SLC2A4RG: variants seen among roughly 807,000 people sequenced by gnomAD.
The protein encoded by SLC2A4RG is SLC2A4 regulator, also known as GLUT4 enhancer factor.
SLC2A4RG carries 23 observed loss-of-function variants against 35.5 expected under a neutral mutation model. The ratio of observed to expected loss-of-function variants is 0.65; its 90% confidence interval spans 0.47 to 0.92. The LOEUF (loss-of-function observed/expected upper bound fraction) is 0.92, where lower values mean the gene tolerates loss of function less well. SLC2A4RG is among the 40% of genes least tolerant of loss of function. SLC2A4RG has a pLI of 0.00. For synonymous variants in SLC2A4RG, 306 were observed against 243.7 expected (o/e 1.26, Z -2.38); for missense variants, 539 against 525.0 (o/e 1.03, Z -0.26).
rs1406010359 is a variant in SLC2A4RG at position 63,740,538 on chromosome 20, G to C, written c.281+7G>C. On this transcript the variant is annotated splice_region_variant and intron_variant, in intron 2 of 7. Coordinates refer to ENST00000266077, the MANE Select transcript of SLC2A4RG (RefSeq NM_020062.4). ...TCCCCGTCCCAGCGCAGAGGTGAGC[G>C]GGAGGCCCGGTGCCTCGGGACTCGG... 27 of 1,228,864 alleles carry C rather than the reference G, an allele frequency of 2.2e-5. No individual in the cohort carries two copies. The East Asian group carries it at 6.7e-4, about 30-fold the overall frequency. The allele number at this position is 1,228,864 out of a possible 1,614,324, so 76.1% of individuals were successfully genotyped here.
Position 63,742,026 on chromosome 20 carries a change from G to T in SLC2A4RG, c.549G>T (p.Leu183=), listed in dbSNP as rs753750777. ...TGCCCCCCGAGGCAGCCCACTTTCTGTTTGGGGAGCCCACCCTGAGAAAAA... is the reference window on the plus strand; with the variant it reads ...TGCCCCCCGAGGCAGCCCACTTTCTTTTTGGGGAGCCCACCCTGAGAAAAA... The part of the protein sequence containing the change: ...PPLPPEAAHF[L]FGEPTLRKRK... Residue 183 remains leucine (L), a synonymous_variant, in exon 4 of 8, where the codon CTG becomes CTT. Coordinates refer to ENST00000266077, the MANE Select transcript of SLC2A4RG (RefSeq NM_020062.4). The T allele has an allele frequency of 1.1e-5, 17 of 1,612,282 alleles. No individual in the cohort carries two copies. The highest frequency in any genetic ancestry group is 1.4e-5 in the Non-Finnish European group (16 of 1,179,290).
rs2092055587 is a variant in SLC2A4RG, at chr20:63,743,352, G to T, written c.*362G>T. The T allele has an allele frequency of 5.2e-6, 1 of 192,130 alleles. No homozygotes were observed. Among genetic ancestry groups the T allele is most frequent in the Non-Finnish European group, 1.1e-5 (1 of 91,826 alleles). The allele number at this position is 192,130 out of a possible 1,614,324, so 11.9% of individuals were successfully genotyped here. A position where few individuals can be genotyped will look rare whatever the true frequency, so the allele number is the denominator to read the frequency against. The stretch of plus-strand genomic sequence containing the variant: ...GGGCCAGTCCCGATGCACTTTGAGG[G>T]GTGTTGGAGAGGGGACTCCCCCACT... On this transcript the variant is annotated 3_prime_UTR_variant, in exon 8 of 8. Transcript: ENST00000266077.
chr20:63,743,654 C>T lies in SLC2A4RG; in HGVS notation c.*664C>T, dbSNP rs890128941. ...AGGCCGGAGGAAGGATCATCTGAGA[C>T]GCAGGAGGCATCTGCTGGAGCAGCA... is the stretch of plus-strand genomic sequence containing the variant. On this transcript the variant is annotated 3_prime_UTR_variant, in exon 8 of 8. Coordinates refer to ENST00000266077, the MANE Select transcript of SLC2A4RG (RefSeq NM_020062.4). The T allele has an allele frequency of 1.3e-5, 2 of 152,374 alleles. No individual in the cohort carries two copies. Among genetic ancestry groups the T allele is most frequent in the Non-Finnish European group, 2.9e-5 (2 of 68,056 alleles). 9.4% of individuals were successfully genotyped at this position (152,374 alleles called of 1,614,324 possible). A position where few individuals can be genotyped will look rare whatever the true frequency, so the allele number is the denominator to read the frequency against.
rs2092033322 is a variant in SLC2A4RG at position 63,739,965 on chromosome 20, C to T, written c.53C>T (p.Ala18Val). 3 of 980,116 alleles carry T rather than the reference C, an allele frequency of 3.1e-6. No homozygotes were observed. In the South Asian group the frequency reaches 1.4e-4, roughly 45 times the overall value. 60.7% of individuals were successfully genotyped at this position (980,116 alleles called of 1,614,324 possible). ...AAGRDPSALR[A>V]EAPWLRAEGP... The stretch of plus-strand genomic sequence containing the variant: ...GGCCGGGACCCCAGTGCGCTGCGGG[C>T]CGAGGCGCCGTGGCTGCGCGCGGAG... Residue 18 changes from alanine (A) to valine (V), a missense_variant, in exon 1 of 8, where the codon GCC becomes GTC. Transcript: ENST00000266077.
At position 63,741,460 on chromosome 20, in the gene SLC2A4RG, G is replaced by A. The variant is rs2427536; in HGVS notation, c.372G>A (p.Pro124=). The part of the protein sequence containing the change: ...LSTSPLLLGA[P]VAAFSPEPGL... ...CCAGCCCTCTCCTTCTGGGGGCCCC[G>A]GTTGCAGCCTTCAGCCCAGGTAAGA... is the stretch of plus-strand genomic sequence containing the variant. The change falls in exon 3 of 8, where the codon CCG becomes CCA. Residue 124 remains proline, a synonymous_variant. Coordinates refer to ENST00000266077, the MANE Select transcript of SLC2A4RG (RefSeq NM_020062.4). The A allele has an allele frequency of 0.93, 1,502,876 of 1,613,282 alleles. 700,508 individuals carry two copies. The highest frequency in any genetic ancestry group is 0.99 in the East Asian group (44,451 of 44,876).
chr20:63,741,996 C>T lies in SLC2A4RG; in HGVS notation c.519C>T (p.Pro173=), dbSNP rs770633285. Residue 173 remains proline (P), a synonymous_variant, in exon 4 of 8, where the codon CCC becomes CCT. Transcript: ENST00000266077. ...AGTCCTCTCCGTCCACCCCGTCACC[C>T]CCACTGCCCCCCGAGGCAGCCCACT... ...SDQSSPSTPS[P]PLPPEAAHFL... 6.2e-7 allele frequency: 1 copy of T among 1,613,012 alleles called. No individual in the cohort carries two copies. The highest frequency in any genetic ancestry group is 8.5e-7 in the Non-Finnish European group (1 of 1,179,770).
At position 63,741,896 on chromosome 20, in the gene SLC2A4RG, C is replaced by CCTG; in HGVS notation, c.420_421insTGC (p.Ala140_Leu141insCys). On this transcript the variant is annotated inframe_insertion, in exon 4 of 8. Transcript: ENST00000266077. The stretch of plus-strand genomic sequence containing the variant: ...CCTGGCCTGGAGCCCTGGAAGGAGG[C>CCTG]CCTGGTGCGGCCCCCAGGCAGCTAC... The CCTG allele has an allele frequency of 6.2e-7, 1 of 1,607,668 alleles. No individual in the cohort carries two copies. Among genetic ancestry groups the CCTG allele is most frequent in the Non-Finnish European group, 8.5e-7 (1 of 1,177,880 alleles).
intron 2 of SLC2A4RG, 127 bp from the exon 3 acceptor site, chr20:63,741,243 C>A: frequency 2.4e-6 from 2 of 836,742 alleles, no homozygotes; most frequent in South Asian, 1.6e-5. Context: ...AGGAGCCAGG[C>A]CTCATGCCCA....
At chr20:63,741,697 G>A (rs960804452) in intron 3 of SLC2A4RG, among the ~76,000 whole-genome samples, 172 bp from the exon 4 acceptor site, 13 of 152,214 alleles carry the variant, frequency 8.5e-5, no homozygotes, top group Non-Finnish European at 1.8e-4. Context: ...GGCCACACAC[G>A]TCTGCCAACC....
In SLC2A4RG at chr20:63,743,071, C is replaced by A; in HGVS notation, c.*81C>A. 3 of 1,086,790 alleles carry A rather than the reference C, an allele frequency of 2.8e-6. No individual in the cohort carries two copies. Among genetic ancestry groups the A allele is most frequent in the Non-Finnish European group, 3.8e-6 (3 of 791,712 alleles). 67.3% of individuals were successfully genotyped at this position (1,086,790 alleles called of 1,614,324 possible). A position where few individuals can be genotyped will look rare whatever the true frequency, so the allele number is the denominator to read the frequency against. The stretch of plus-strand genomic sequence containing the variant: ...GCCCGGGGCTGAAACAGCCCGAGGA[C>A]AGCCCCAGGGGCTGGCTTTCACCAG... On this transcript the variant is annotated 3_prime_UTR_variant, in exon 8 of 8. Transcript: ENST00000266077.
chr20:63,743,297 T>C lies in SLC2A4RG; in HGVS notation c.*307T>C. ...CCTCCCGCCTGTCGGCCCGTAGATTTATCAAGGGTGTTATGGGCCCAGCTT... is the reference window on the plus strand; with the variant it reads ...CCTCCCGCCTGTCGGCCCGTAGATTCATCAAGGGTGTTATGGGCCCAGCTT... On this transcript the variant is annotated 3_prime_UTR_variant, in exon 8 of 8. Coordinates refer to ENST00000266077, the MANE Select transcript of SLC2A4RG (RefSeq NM_020062.4). 3.9e-6 allele frequency: 1 copy of C among 255,388 alleles called. No homozygotes were observed. 15.8% of individuals were successfully genotyped at this position (255,388 alleles called of 1,614,324 possible). A position where few individuals can be genotyped will look rare whatever the true frequency, so the allele number is the denominator to read the frequency against.
intron 6 of SLC2A4RG, 41 bp downstream of exon 6, chr20:63,742,656 GCT>G (rs751828509): frequency 1.3e-6 from 2 of 1,586,484 alleles, no homozygotes; most frequent in Non-Finnish European, 8.6e-7. Flanking sequence ...GGGTCTCAGG[GCT>G]CTCTGGAGGG....
At position 63,740,438 on chromosome 20, in the gene SLC2A4RG, C is replaced by A; in HGVS notation, c.188C>A (p.Pro63Gln). 4.1e-6 allele frequency: 5 copies of A among 1,230,774 alleles called. No individual in the cohort carries two copies. Among genetic ancestry groups the A allele is most frequent in the Non-Finnish European group, 5.1e-6 (5 of 986,502 alleles). 76.2% of individuals were successfully genotyped at this position (1,230,774 alleles called of 1,614,324 possible). A position where few individuals can be genotyped will look rare whatever the true frequency, so the allele number is the denominator to read the frequency against. ...LEFARPQESE[P>Q]RASDLGAPRT... ...TTCGCGCGGCCGCAGGAGTCGGAGC[C>A]GCGGGCCTCGGACCTGGGGGCCCCC... is the stretch of plus-strand genomic sequence containing the variant. Residue 63 changes from proline to glutamine, a missense_variant, in exon 2 of 8, where the codon CCG (proline) becomes CAG (glutamine). Physicochemically the swap from Pro to Gln is moderately conservative, Grantham distance 76. Transcript: ENST00000266077.
chr20:63,742,248 G>T lies in SLC2A4RG; in HGVS notation c.680+18G>T, dbSNP rs749048666. On this transcript the variant is annotated intron_variant, in intron 5 of 7. Transcript: ENST00000266077. Reference sequence around the variant, plus strand: ...CACCTGGGGTGCGGCGGGGCCTGGGGTGCGGCGGGGCCTGCGGGTTGGCTG... The same window carrying T: ...CACCTGGGGTGCGGCGGGGCCTGGGTTGCGGCGGGGCCTGCGGGTTGGCTG... 673 of 1,584,734 alleles carry T rather than the reference G, an allele frequency of 4.2e-4. 1 individual carries two copies. Among genetic ancestry groups the T allele is most frequent in the Non-Finnish European group, 5.6e-4 (652 of 1,164,736 alleles).
In SLC2A4RG at chr20:63,742,929, G is replaced by T. The variant is rs143654337; in HGVS notation, c.1103G>T (p.Arg368Leu). Reference protein sequence around the residue: ...KKCRKVYGMERRDLWCTACRW... With the variant: ...KKCRKVYGMELRDLWCTACRW... ...TGCCGGAAGGTGTATGGCATGGAGC[G>T]CCGGGACCTCTGGTGCACAGCCTGC... is the stretch of plus-strand genomic sequence containing the variant. Residue 368 changes from arginine (R) to leucine (L), a missense_variant, in exon 8 of 8, where the codon CGC (arginine) becomes CTC (leucine). Physicochemically the swap from Arg to Leu is moderately radical, Grantham distance 102. Coordinates refer to ENST00000266077, the MANE Select transcript of SLC2A4RG (RefSeq NM_020062.4). The T allele has an allele frequency of 1.8e-5, 29 of 1,612,352 alleles. No homozygotes were observed. The Admixed American group carries it at 3.0e-4, about 17-fold the overall frequency.
rs1279392879 is a variant in SLC2A4RG, at chr20:63,742,502, G to A, written c.847G>A (p.Glu283Lys). 1.9e-6 allele frequency: 3 copies of A among 1,569,446 alleles called. No individual in the cohort carries two copies. The highest frequency in any genetic ancestry group is 2.6e-6 in the Non-Finnish European group (3 of 1,158,078). The change falls in exon 6 of 8, where the codon GAG becomes AAG. Residue 283 changes from glutamate (E) to lysine (K), a missense_variant. Coordinates refer to ENST00000266077, the MANE Select transcript of SLC2A4RG (RefSeq NM_020062.4). ...FPRLELPELL[E>K]PPALPSPLRP... ...CCGCCTGGAGCTGCCAGAGCTGCTG[G>A]AGCCCCCAGCCCTGCCTAGTCCCCT...
chr20:63,742,913 G>T lies in SLC2A4RG; in HGVS notation c.1087G>T (p.Val363Leu). Residue 363 changes from valine (V) to leucine (L), a missense_variant, in exon 8 of 8, where the codon GTG (valine) becomes TTG (leucine). By Grantham distance (32) the Val-to-Leu change is conservative (BLOSUM62 1). Coordinates refer to ENST00000266077, the MANE Select transcript of SLC2A4RG (RefSeq NM_020062.4). ...PRGDAKKCRK[V>L]YGMERRDLWC... Reference sequence around the variant, plus strand: ...CGGCGACGCGAAGAAGTGCCGGAAGGTGTATGGCATGGAGCGCCGGGACCT... The same window carrying T: ...CGGCGACGCGAAGAAGTGCCGGAAGTTGTATGGCATGGAGCGCCGGGACCT... 1.2e-6 allele frequency: 2 copies of T among 1,612,568 alleles called. No homozygotes were observed. The highest frequency in any genetic ancestry group is 2.2e-5 in the South Asian group (2 of 91,036).
intron 2 of SLC2A4RG, chr20:63,741,128 T>C: frequency 3.6e-6 from 2 of 551,570 alleles, no homozygotes; most frequent in Non-Finnish European, 6.5e-6. Context: ...GGAACCACAG[T>C]GGAGCCAAGC....
chr20:63,741,770 C>T (rs2092042817), intron 3 of SLC2A4RG, 99 bp from the exon 4 acceptor site: 2 of 1,451,384 alleles, frequency 1.4e-6, no homozygotes, highest in South Asian at 2.9e-5. Context: ...GACGCTCTGC[C>T]CACCAGTCTC....
Sources: allele counts gnomAD v4.1 joint callset (sites outside exome capture counted in the v4.1 genomes callset), GRCh38; gene constraint gnomAD v4.1.1; transcripts MANE v1.5; gene names NCBI Gene and HGNC (gene_info 2026-07-23, HGNC 2026-07-21).